Variants in ZNF525 observed in about 807,000 individuals in gnomAD.
The protein encoded by ZNF525 is zinc finger protein 525.
In ZNF525, 33 loss-of-function variants were observed where a neutral mutation model predicts 37.6. The observed-to-expected ratio is 0.88, with a 90% confidence interval of 0.67 to 1.17. ZNF525 has a LOEUF of 1.17. ZNF525 is among the 50% of genes most tolerant of loss of function. The probability of loss-of-function intolerance (pLI) is 0.00; values close to 1 mark genes in which losing one functional copy is unlikely to be tolerated. For synonymous variants in ZNF525, 170 were observed against 182.3 expected, an observed-to-expected ratio of 0.93 and a Z score of 0.54; for missense variants, 449 against 543.1, an observed-to-expected ratio of 0.83 and a Z score of 1.72.
Position 53,383,164 on chromosome 19 carries a change from G to A in ZNF525, c.*1145G>A, listed in dbSNP as rs570660801. ...GAGAGAAACATTACAAGTGTAATGA[G>A]TGTGGCAAGACCTACTCTCACAATT... is the stretch of plus-strand genomic sequence containing the variant. On this transcript the variant is annotated 3_prime_UTR_variant, in exon 4 of 4. Coordinates refer to ENST00000474037, the MANE Select transcript of ZNF525 (RefSeq NM_001348156.2). 80 of 1,330,484 alleles carry A rather than the reference G, an allele frequency of 6.0e-5. No individual in the cohort carries two copies. The African/African-American group carries it at 1.0e-3, about 17-fold the overall frequency. The allele number at this position is 1,330,484 out of a possible 1,614,324, so 82.4% of individuals were successfully genotyped here. A position where few individuals can be genotyped will look rare whatever the true frequency, so the allele number is the denominator to read the frequency against.
At chr19:53,370,770 A>T (rs1240621036) in intron 1 of ZNF525, among the ~76,000 whole-genome samples, 1 of 152,010 alleles carries the variant, frequency 6.6e-6, no homozygotes, top group African/African-American at 2.4e-5. Flanking sequence ...CTTTCTCTGT[A>T]TGAGGACATC....
At chr19:53,378,755 C>A (rs1327133518) in intron 3 of ZNF525, among the ~76,000 whole-genome samples, 1 of 152,100 alleles carries the variant, frequency 6.6e-6, no homozygotes, top group Non-Finnish European at 1.5e-5. Flanking sequence ...TTTATGAAAG[C>A]ACAAGTCCTA....
chr19:53,370,296 G>C (rs893531284), intron 1 of ZNF525, among the ~76,000 whole-genome samples: 2 of 151,104 alleles, frequency 1.3e-5, no homozygotes, highest in Non-Finnish European at 2.9e-5. Context: ...GTGGATGCCT[G>C]TAGTCCCAGC....
In ZNF525 at chr19:53,380,857, A is replaced by G. The variant is rs745529077; in HGVS notation, c.278A>G (p.Asp93Gly). The G allele has an allele frequency of 2.3e-5, 34 of 1,458,372 alleles. No homozygotes were observed. In the South Asian group the frequency reaches 3.4e-4, roughly 15 times the overall value. The allele number at this position is 1,458,372 out of a possible 1,614,324, so 90.3% of individuals were successfully genotyped here. A position where few individuals can be genotyped will look rare whatever the true frequency, so the allele number is the denominator to read the frequency against. Residue 93 changes from aspartate (D) to glycine (G), a missense_variant, in exon 4 of 4, where the codon GAT (aspartate) becomes GGT (glycine). Physicochemically the swap from Asp to Gly is moderately conservative, Grantham distance 94. Coordinates refer to ENST00000474037, the MANE Select transcript of ZNF525 (RefSeq NM_001348156.2). ...TTTTCCTTCCAGGAAATTGAGAAAG[A>G]TATTCATAACTTTGAGTTTCAGTGG... ...GDFSFQEIEK[D>G]IHNFEFQWQE...
At chr19:53,371,787 A>G (rs1179379012) in intron 1 of ZNF525, among the ~76,000 whole-genome samples, 1 of 152,120 alleles carries the variant, frequency 6.6e-6, no homozygotes, top group Non-Finnish European at 1.5e-5. Flanking sequence ...GCACAGACAC[A>G]CAGACATGCA....
intron 1 of ZNF525, among the ~76,000 whole-genome samples, chr19:53,366,116 G>A (rs1246918245): frequency 5.3e-5 from 8 of 152,026 alleles, no homozygotes; most frequent in Non-Finnish European, 1.2e-4. Context: ...TCGGCCCCTA[G>A]AGCGCAGCGT....
In ZNF525 at chr19:53,372,288, C is replaced by A; in HGVS notation, c.7C>A (p.Leu3Ile). 1.3e-6 allele frequency: 1 copy of A among 784,128 alleles called. No homozygotes were observed. Among genetic ancestry groups the A allele is most frequent in the East Asian group, 2.4e-5 (1 of 41,250 alleles). The allele number at this position is 784,128 out of a possible 1,614,324, so 48.6% of individuals were successfully genotyped here. The change falls in exon 2 of 4, where the codon CTT becomes ATT. Residue 3 changes from leucine (L) to isoleucine (I), a missense_variant. By Grantham distance (5) the Leu-to-Ile change is conservative (BLOSUM62 2). Around this residue, in one of 2 missense-constraint regions of ZNF525, gnomAD observed 271 missense variants for 381.6 expected, o/e 0.71. Coordinates refer to ENST00000474037, the MANE Select transcript of ZNF525 (RefSeq NM_001348156.2). ...GAAAGCAGAGGAGTCAGGGATGGCT[C>A]TTCCTCAGGTGAGACGATATTCTCA... MALPQGLLTFRDV... is the reference protein window; with the variant it reads MAIPQGLLTFRDV...
rs772150172 is a variant in ZNF525 at position 53,382,040 on chromosome 19, A to T, written c.*21A>T. On this transcript the variant is annotated 3_prime_UTR_variant, in exon 4 of 4. Transcript: ENST00000474037. The stretch of plus-strand genomic sequence containing the variant: ...AATAAAATCTTGAAATACGTCAGAA[A>T]ATTCATACTGGAGAGAAATGTTATA... 5.9e-6 allele frequency: 8 copies of T among 1,352,868 alleles called. No individual in the cohort carries two copies. The Admixed American group carries it at 1.1e-4, about 19-fold the overall frequency. 83.8% of individuals were successfully genotyped at this position (1,352,868 alleles called of 1,614,324 possible).
chr19:53,370,363 G>A (rs1389738408), intron 1 of ZNF525, among the ~76,000 whole-genome samples: 5 of 148,792 alleles, frequency 3.4e-5, no homozygotes. Flanking sequence ...AGTTTGCACC[G>A]AGATCCTGCC....
rs2085606336 is a variant in ZNF525, at chr19:53,386,266, T to C, written c.*4247T>C. 2 of 670,992 alleles carry C rather than the reference T, an allele frequency of 3.0e-6. No individual in the cohort carries two copies. Among genetic ancestry groups the C allele is most frequent in the Non-Finnish European group, 5.6e-6 (2 of 359,390 alleles). 41.6% of individuals were successfully genotyped at this position (670,992 alleles called of 1,614,324 possible). A position where few individuals can be genotyped will look rare whatever the true frequency, so the allele number is the denominator to read the frequency against. ...TCAGAAGACTTTCAGGATTAAGCGA[T>C]TCCTGGCCAAGAAACAAAAGCAAAA... On this transcript the variant is annotated 3_prime_UTR_variant, in exon 4 of 4. Transcript: ENST00000474037.
rs945925254 is a variant in ZNF525 at position 53,380,962 on chromosome 19, A to G, written c.383A>G (p.His128Arg). ...KLMGSTEQYD[H>R]RHAGNKPIKY... ...ATGGGTAGTACAGAGCAATATGATC[A>G]CAGGCATGCTGGAAACAAGCCTATT... The change falls in exon 4 of 4, where the codon CAC (histidine) becomes CGC (arginine). Residue 128 changes from histidine (H) to arginine (R), a missense_variant. Transcript: ENST00000474037. 2 of 1,585,758 alleles carry G rather than the reference A, an allele frequency of 1.3e-6. No homozygotes were observed. Among genetic ancestry groups the G allele is most frequent in the Admixed American group, 1.7e-5 (1 of 60,002 alleles).
chr19:53,383,209 G>A lies in ZNF525; in HGVS notation c.*1190G>A, dbSNP rs747877805. Reference sequence around the variant, plus strand: ...ACAATTCAGTCCTTGTAATTCATAAGACAATTCACACTGGGGAGAAACCTT... The same window carrying A: ...ACAATTCAGTCCTTGTAATTCATAAAACAATTCACACTGGGGAGAAACCTT... On this transcript the variant is annotated 3_prime_UTR_variant, in exon 4 of 4. Coordinates refer to ENST00000474037, the MANE Select transcript of ZNF525 (RefSeq NM_001348156.2). 56 of 1,406,518 alleles carry A rather than the reference G, an allele frequency of 4.0e-5. No individual in the cohort carries two copies. The highest frequency in any genetic ancestry group is 3.6e-4 in the African/African-American group (25 of 69,976). 87.1% of individuals were successfully genotyped at this position (1,406,518 alleles called of 1,614,324 possible).
Position 53,383,355 on chromosome 19 carries a change from C to T in ZNF525, c.*1336C>T, listed in dbSNP as rs2085581782. The stretch of plus-strand genomic sequence containing the variant: ...TGGCGAGGTTTTCAATCAACAAGCA[C>T]ACGTTGCACGTCATCATAGAATTCA... On this transcript the variant is annotated 3_prime_UTR_variant, in exon 4 of 4. Coordinates refer to ENST00000474037, the MANE Select transcript of ZNF525 (RefSeq NM_001348156.2). The T allele has an allele frequency of 3.3e-6, 4 of 1,205,602 alleles. No homozygotes were observed. The highest frequency in any genetic ancestry group is 4.7e-6 in the Non-Finnish European group (4 of 849,018). The allele number at this position is 1,205,602 out of a possible 1,614,324, so 74.7% of individuals were successfully genotyped here.
chr19:53,384,390 A>G lies in ZNF525; in HGVS notation c.*2371A>G, dbSNP rs559662370. 1.7e-4 allele frequency: 28 copies of G among 162,236 alleles called. No homozygotes were observed. The highest frequency in any genetic ancestry group is 3.5e-4 in the Non-Finnish European group (26 of 74,238). The allele number at this position is 162,236 out of a possible 1,614,324, so 10.0% of individuals were successfully genotyped here. A position where few individuals can be genotyped will look rare whatever the true frequency, so the allele number is the denominator to read the frequency against. ...GGGTATCGTATTGAATCTAGATTAC[A>G]TTGGGTTATATAATCATTTAACATA... On this transcript the variant is annotated 3_prime_UTR_variant, in exon 4 of 4. Coordinates refer to ENST00000474037, the MANE Select transcript of ZNF525 (RefSeq NM_001348156.2).
rs936512735 is a variant in ZNF525 at position 53,384,729 on chromosome 19, A to G, written c.*2710A>G. The G allele has an allele frequency of 6.6e-6, 3 of 451,430 alleles. No individual in the cohort carries two copies. Among genetic ancestry groups the G allele is most frequent in the Non-Finnish European group, 1.2e-5 (3 of 253,766 alleles). The allele number at this position is 451,430 out of a possible 1,614,324, so 28.0% of individuals were successfully genotyped here. A position where few individuals can be genotyped will look rare whatever the true frequency, so the allele number is the denominator to read the frequency against. On this transcript the variant is annotated 3_prime_UTR_variant, in exon 4 of 4. Coordinates refer to ENST00000474037, the MANE Select transcript of ZNF525 (RefSeq NM_001348156.2). ...TTCTACACAGAAGGTCATGTCGTCT[A>G]CAAACAAATGTAATTTTACTTCTTT... is the stretch of plus-strand genomic sequence containing the variant.
At chr19:53,376,736 G>A (rs1430825667) in intron 3 of ZNF525, among the ~76,000 whole-genome samples, 1 of 152,106 alleles carries the variant, frequency 6.6e-6, no homozygotes, top group Non-Finnish European at 1.5e-5. Context: ...TTGGAAGGCC[G>A]GGGGTGGGCA....
At chr19:53,368,104 A>G (rs2085460903) in intron 1 of ZNF525, among the ~76,000 whole-genome samples, 1 of 151,908 alleles carries the variant, frequency 6.6e-6, no homozygotes, top group Admixed American at 6.6e-5. Flanking sequence ...CCTTGTTGCA[A>G]TGGGAGTTAG....
intron 1 of ZNF525, among the ~76,000 whole-genome samples, chr19:53,367,841 A>G (rs1374894550): frequency 6.6e-6 from 1 of 152,142 alleles, no homozygotes; most frequent in Admixed American, 6.5e-5. Context: ...TTCATGGCTT[A>G]CTGGGCCAGT....
At chr19:53,376,103 C>A in intron 3 of ZNF525, 2 of 1,154,930 alleles carry the variant, frequency 1.7e-6, no homozygotes, top group Non-Finnish European at 2.5e-6. Flanking sequence ...TGCCACCATG[C>A]CAGGATACTT....
Sources: allele counts gnomAD v4.1 joint callset (sites outside exome capture counted in the v4.1 genomes callset), GRCh38; gene constraint gnomAD v4.1.1; regional missense constraint gnomAD v4.1.1; transcripts MANE v1.5; gene names NCBI Gene and HGNC (gene_info 2026-07-23, HGNC 2026-07-21).